UNC5D: variants seen among roughly 807,000 people sequenced by gnomAD.
UNC5D encodes unc-5 netrin receptor D, also known as netrin receptor UNC5D.
In UNC5D, 39 loss-of-function variants were observed where a neutral mutation model predicts 105.4. The observed-to-expected ratio is 0.37, with a 90% CI of 0.29 to 0.48. UNC5D has a LOEUF of 0.48. UNC5D is among the 20% of genes least tolerant of loss of function. The probability of loss-of-function intolerance (pLI) is 0.98; values close to 1 mark genes in which losing one functional copy is unlikely to be tolerated. For synonymous variants in UNC5D, 452 were observed against 450.4 expected, an observed-to-expected ratio of 1.00 and a Z score of -0.04; for missense variants, 991 against 1,202.4, an observed-to-expected ratio of 0.82 and a Z score of 2.60.
intron 8 of UNC5D, 49 bp downstream of exon 8, chr8:35,706,010 C>A (rs1307520839): frequency 8.3e-7 from 1 of 1,208,598 alleles, no homozygotes; most frequent in Non-Finnish European, 1.2e-6. Flanking sequence ...ATATTTGCTG[C>A]CTTGCTGTTG....
chr8:35,645,526 G>GCT (rs1822993826), intron 4 of UNC5D, among the ~76,000 whole-genome samples: 1 of 136,704 alleles, frequency 7.3e-6, no homozygotes, highest in African/African-American at 3.5e-5. Flanking sequence ...ATGTGTGTGT[G>GCT]CTGTGTGTGT....
At chr8:35,784,612 G>A (rs1232529997) in intron 16 of UNC5D, among the ~76,000 whole-genome samples, 1 of 151,982 alleles carries the variant, frequency 6.6e-6, no homozygotes, top group East Asian at 1.9e-4. Flanking sequence ...GCTGGGCATG[G>A]TGGCACACAC....
At chr8:35,251,526 CACA>C (rs1803693475) in intron 1 of UNC5D, among the ~76,000 whole-genome samples, 1 of 152,132 alleles carries the variant, frequency 6.6e-6, no homozygotes, top group Non-Finnish European at 1.5e-5. Flanking sequence ...AATGTTGGCA[CACA>C]ACGTTTCACC....
intron 6 of UNC5D, among the ~76,000 whole-genome samples, chr8:35,685,183 T>C (rs1207695709): frequency 6.6e-6 from 1 of 152,226 alleles, no homozygotes; most frequent in Non-Finnish European, 1.5e-5. Context: ...ATCAATCAAA[T>C]AACTTTATCA....
chr8:35,413,268 T>C (rs918998645), intron 1 of UNC5D, among the ~76,000 whole-genome samples: 5 of 19,426 alleles, frequency 2.6e-4, no homozygotes, highest in Non-Finnish European at 7.5e-4. Flanking sequence ...TGTGTGTGTG[T>C]GTGTGTGTGT....
At chr8:35,622,654 A>T (rs1236213067) in intron 4 of UNC5D, among the ~76,000 whole-genome samples, 1 of 152,210 alleles carries the variant, frequency 6.6e-6, no homozygotes, top group Admixed American at 6.5e-5. Context: ...TGTTAGTAGT[A>T]TTAGATAATA....
intron 3 of UNC5D, among the ~76,000 whole-genome samples, chr8:35,584,501 A>G (rs1023854490): frequency 6.6e-6 from 1 of 152,044 alleles, no homozygotes; most frequent in African/African-American, 2.4e-5. Context: ...TGTGGCTTCC[A>G]ACTCCTGGGC....
chr8:35,676,113 T>C (rs1468811337), intron 4 of UNC5D, among the ~76,000 whole-genome samples: 3 of 152,140 alleles, frequency 2.0e-5, no homozygotes, highest in Non-Finnish European at 4.4e-5. Context: ...ATCAGTTGCA[T>C]ACCTTCTGTC....
intron 1 of UNC5D, among the ~76,000 whole-genome samples, chr8:35,270,764 C>A (rs1197313823): frequency 6.6e-6 from 1 of 152,098 alleles, no homozygotes; most frequent in Non-Finnish European, 1.5e-5. Context: ...CTAGCAGATA[C>A]CTGCATCATG....
At chr8:35,502,793 C>G (rs1274217029) in intron 1 of UNC5D, among the ~76,000 whole-genome samples, 1 of 151,968 alleles carries the variant, frequency 6.6e-6, no homozygotes, top group African/African-American at 2.4e-5. Flanking sequence ...TCTCAATCTC[C>G]TGACCTCGTG....
intron 1 of UNC5D, among the ~76,000 whole-genome samples, chr8:35,521,110 G>C (rs750548168): frequency 6.6e-6 from 1 of 152,074 alleles, no homozygotes; most frequent in Non-Finnish European, 1.5e-5. Context: ...GTACATTAAT[G>C]AGTCTTTGGT....
At chr8:35,788,919 C>A (rs1288467591) in intron 16 of UNC5D, among the ~76,000 whole-genome samples, 1 of 151,300 alleles carries the variant, frequency 6.6e-6, no homozygotes, top group Non-Finnish European at 1.5e-5. Flanking sequence ...TACCCTTGTT[C>A]GTTCTTCCTC....
chr8:35,643,852 CTAGAGGTATGATTAAAAAA>C (rs1365946469), intron 4 of UNC5D, among the ~76,000 whole-genome samples: 1 of 152,144 alleles, frequency 6.6e-6, no homozygotes, highest in East Asian at 1.9e-4. Context: ...ATCAACAAAA[CTAGAGGTATGATTAAAAAA>C]TAAATCCCTG....
chr8:35,601,431 G>A (rs989042305), intron 4 of UNC5D, among the ~76,000 whole-genome samples: 2 of 152,168 alleles, frequency 1.3e-5, no homozygotes, highest in Admixed American at 6.5e-5. Context: ...CTACCCATGA[G>A]CATGGAATGT....
intron 6 of UNC5D, among the ~76,000 whole-genome samples, chr8:35,685,236 G>A (rs564280213): frequency 3.3e-5 from 5 of 152,158 alleles, no homozygotes; most frequent in East Asian, 1.9e-4. Flanking sequence ...GATAGAGACT[G>A]TATACTGTCA....
intron 1 of UNC5D, among the ~76,000 whole-genome samples, chr8:35,303,284 A>G (rs191725380): frequency 1.4e-3 from 210 of 152,294 alleles, no homozygotes; most frequent in African/African-American, 4.9e-3. Context: ...GTATTCCAAC[A>G]TGCCTAAAAG....
intron 1 of UNC5D, among the ~76,000 whole-genome samples, chr8:35,483,578 C>T (rs964248682): frequency 2.0e-5 from 3 of 152,118 alleles, no homozygotes; most frequent in Admixed American, 6.5e-5. Context: ...GGACATAGAA[C>T]GTTTTAATGT....
intron 1 of UNC5D, among the ~76,000 whole-genome samples, chr8:35,326,432 A>G (rs975873991): frequency 6.6e-6 from 1 of 152,218 alleles, no homozygotes; most frequent in African/African-American, 2.4e-5. Flanking sequence ...AAAATTCACC[A>G]GAATCCCAAG....
chr8:35,790,256 A>G, intron 16 of UNC5D, 103 bp from the exon 17 acceptor site: 1 of 1,255,690 alleles, frequency 8.0e-7, no homozygotes, highest in Non-Finnish European at 1.1e-6. Context: ...CTACTATAAT[A>G]ACATCTATTA....
Sources: gnomAD v4.1 joint callset for allele counts (sites outside exome capture counted in the v4.1 genomes callset) on GRCh38, gnomAD v4.1.1 for gene constraint, MANE v1.5 for transcripts, NCBI Gene and HGNC (gene_info 2026-07-23, HGNC 2026-07-21) for gene names.